Variants in CDH13 observed in about 807,000 individuals in gnomAD.
CDH13 encodes the protein cadherin-13.
Under a neutral mutation model 63.8 loss-of-function variants are expected in CDH13, and 24 were observed. That is an observed-to-expected ratio of 0.38 (90% CI 0.27 to 0.53). CDH13 has a LOEUF of 0.53. Ranked by LOEUF, CDH13 falls within the 20% of genes least tolerant of loss-of-function variation. CDH13 has a pLI of 0.85. For synonymous variants in CDH13, 503 were observed against 355.3 expected, an observed-to-expected ratio of 1.42 and a Z score of -4.67; for missense variants, 1,049 against 903.1, an observed-to-expected ratio of 1.16 and a Z score of -2.07.
At chr16:83,026,950 G>T (rs144664330) in intron 2 of CDH13, among the ~76,000 whole-genome samples, 1 of 152,082 alleles carries the variant, frequency 6.6e-6, no homozygotes. Context: ...GGATACACAC[G>T]GGGTCCAGGG....
chr16:82,747,243 G>C (rs930174901), intron 1 of CDH13, among the ~76,000 whole-genome samples: 4 of 152,160 alleles, frequency 2.6e-5, no homozygotes, highest in African/African-American at 9.7e-5. Flanking sequence ...CTGGGACCTG[G>C]TTAGAAATTC....
chr16:83,484,456 G>C (rs534672304), intron 6 of CDH13, among the ~76,000 whole-genome samples: 33 of 152,310 alleles, frequency 2.2e-4, no homozygotes, highest in African/African-American at 7.7e-4. Context: ...GGTTAGGCAG[G>C]ATGCCCTAAT....
chr16:83,092,110 G>A (rs1227002977), intron 3 of CDH13, among the ~76,000 whole-genome samples: 1 of 152,126 alleles, frequency 6.6e-6, no homozygotes, highest in Admixed American at 6.5e-5. Context: ...TCATATCACT[G>A]CATTCATTTC....
intron 6 of CDH13, among the ~76,000 whole-genome samples, chr16:83,377,527 T>C (rs1399832372): frequency 1.3e-5 from 2 of 152,212 alleles, no homozygotes; most frequent in Non-Finnish European, 2.9e-5. Context: ...AGTTTTCCCA[T>C]AGTAGTATTA....
intron 5 of CDH13, among the ~76,000 whole-genome samples, chr16:83,320,251 G>T (rs2090192982): frequency 1.3e-5 from 2 of 150,990 alleles, no homozygotes; most frequent in African/African-American, 4.9e-5. Context: ...TCATTCTGTT[G>T]CCCAGGCTAG....
intron 1 of CDH13, among the ~76,000 whole-genome samples, chr16:82,809,507 G>A (rs12919360): frequency 0.16 from 23,771 of 152,012 alleles, 2,612 homozygotes; most frequent in East Asian, 0.61. Flanking sequence ...TTCTTTAAGC[G>A]TGTAAGTGAT....
chr16:82,762,165 G>A lies in CDH13; in HGVS notation c.46-96197G>A, dbSNP rs150796495. Among the ~76,000 whole-genome samples, 601 of 152,216 alleles carry A rather than the reference G, an allele frequency of 3.9e-3. 9 individuals carry two copies. Among genetic ancestry groups the A allele is most frequent in the Admixed American group, 0.028 (425 of 15,294 alleles). Reference sequence around the variant, plus strand: ...TTTTCCCCCAAGTGACCTGCACATCGGACTTCACCCTGCTACTCTCTCTTC... The same window carrying A: ...TTTTCCCCCAAGTGACCTGCACATCAGACTTCACCCTGCTACTCTCTCTTC... On this transcript the variant is annotated intron_variant, in intron 1 of 13. Transcript: ENST00000567109.
intron 6 of CDH13, among the ~76,000 whole-genome samples, chr16:83,408,550 A>T (rs1397945738): frequency 1.3e-5 from 2 of 152,220 alleles, no homozygotes; most frequent in Non-Finnish European, 2.9e-5. Flanking sequence ...TACCATAAAA[A>T]TACAGTATAA....
At chr16:82,630,379 G>T (rs1398434884) in intron 1 of CDH13, among the ~76,000 whole-genome samples, 1 of 152,160 alleles carries the variant, frequency 6.6e-6, no homozygotes, top group Non-Finnish European at 1.5e-5. Flanking sequence ...CTGCAAAGCT[G>T]AGTATGTAAT....
At chr16:82,993,687 A>AAC (rs1453807084) in intron 2 of CDH13, among the ~76,000 whole-genome samples, 2 of 152,302 alleles carry the variant, frequency 1.3e-5, no homozygotes, top group East Asian at 3.9e-4. Context: ...GACTTAGCTG[A>AAC]ACACGTGTTA....
Position 83,241,839 on chromosome 16 carries a change from A to T in CDH13, c.636+24342A>T, listed in dbSNP as rs556280382. Among the ~76,000 whole-genome samples, 128 of 152,192 alleles carry T rather than the reference A, an allele frequency of 8.4e-4. 2 individuals carry two copies. Among genetic ancestry groups the T allele is most frequent in the African/African-American group, 3.0e-3 (126 of 41,520 alleles). ...TGATGAGCATAAGTTTTTAAGTTTG[A>T]TGTAGTTTCATTTGCCTAGTTTTGC... On this transcript the variant is annotated intron_variant, in intron 5 of 13. Transcript: ENST00000567109.
At chr16:82,854,907 TC>T (rs1261397860) in intron 1 of CDH13, among the ~76,000 whole-genome samples, 1 of 152,210 alleles carries the variant, frequency 6.6e-6, no homozygotes, top group Non-Finnish European at 1.5e-5. Flanking sequence ...GGCACCTTTC[TC>T]ATTGCTTTGG....
intron 1 of CDH13, among the ~76,000 whole-genome samples, chr16:82,813,735 A>T (rs895726580): frequency 9.2e-5 from 14 of 152,256 alleles, no homozygotes; most frequent in African/African-American, 3.4e-4. Flanking sequence ...ACTAAAACCA[A>T]ACTTTTGAGT....
At chr16:83,129,764 C>G (rs893089941) in intron 4 of CDH13, among the ~76,000 whole-genome samples, 1 of 152,246 alleles carries the variant, frequency 6.6e-6, no homozygotes, top group Admixed American at 6.5e-5. Flanking sequence ...GGATTCTGTA[C>G]AGCAGCCACC....
chr16:83,285,842 C>G (rs181412096), intron 5 of CDH13, among the ~76,000 whole-genome samples: 1 of 151,918 alleles, frequency 6.6e-6, no homozygotes, highest in Admixed American at 6.6e-5. Context: ...AAATGCATAA[C>G]GAATTATAGA....
chr16:82,970,839 T>C (rs1908633755), intron 2 of CDH13, among the ~76,000 whole-genome samples: 1 of 152,230 alleles, frequency 6.6e-6, no homozygotes, highest in African/African-American at 2.4e-5. Flanking sequence ...TGACTTGTTT[T>C]ACCTTTGAAA....
intron 4 of CDH13, among the ~76,000 whole-genome samples, chr16:83,126,035 G>A (rs1385733012): frequency 6.6e-6 from 1 of 152,186 alleles, no homozygotes; most frequent in Non-Finnish European, 1.5e-5. Flanking sequence ...ACTGTTAAAT[G>A]TGCCAAAATA....
intron 3 of CDH13, among the ~76,000 whole-genome samples, chr16:83,123,809 T>C (rs973190302): frequency 3.9e-5 from 6 of 152,190 alleles, no homozygotes; most frequent in South Asian, 2.1e-4. Flanking sequence ...TTGCACTAAT[T>C]TACACTCCCA....
intron 1 of CDH13, among the ~76,000 whole-genome samples, chr16:82,836,543 G>A (rs2038775943): frequency 6.6e-6 from 1 of 152,124 alleles, no homozygotes; most frequent in Admixed American, 6.5e-5. Flanking sequence ...CCACTTTGAG[G>A]AATACTGATG....
Sources: allele counts gnomAD v4.1 joint callset (sites outside exome capture counted in the v4.1 genomes callset), GRCh38; gene constraint gnomAD v4.1.1; transcripts MANE v1.5; gene names NCBI Gene and HGNC (gene_info 2026-07-23, HGNC 2026-07-21).